MCM3AP: variants seen among roughly 807,000 people sequenced by gnomAD.
The protein encoded by MCM3AP is germinal-center associated nuclear protein.
Under a neutral mutation model 184.1 loss-of-function variants are expected in MCM3AP, and 126 were observed. The observed-to-expected ratio is 0.68, with a 90% CI of 0.59 to 0.79. The LOEUF is 0.79. Among genes scored for constraint, MCM3AP ranks in the 30% least tolerant of loss-of-function variants. The pLI is 0.00. For synonymous variants in MCM3AP, 1,002 were observed against 979.3 expected, an observed-to-expected ratio of 1.02 and a Z score of -0.43; for missense variants, 2,496 against 2,479.2, an observed-to-expected ratio of 1.01 and a Z score of -0.14.
Position 46,235,263 on chromosome 21 carries a change from G to T in MCM3AP, c.*5C>A. 6.2e-7 allele frequency: 1 copy of T among 1,614,050 alleles called. No homozygotes were observed. The highest frequency in any genetic ancestry group is 8.5e-7 in the Non-Finnish European group (1 of 1,179,940). On this transcript the variant is annotated 3_prime_UTR_variant, in exon 28 of 28. Coordinates refer to ENST00000291688, the MANE Select transcript of MCM3AP (RefSeq NM_003906.5). ...GAGAGACCCCCTCCCCACAGGTCAG[G>T]CTGCTCAAATGTCCACCATGTCTAG...
rs371198038 is a variant in MCM3AP at position 46,284,906 on chromosome 21, A to C, written c.381T>G (p.Phe127Leu). The change falls in exon 1 of 28, where the codon TTT (phenylalanine) becomes TTG (leucine). Residue 127 changes from phenylalanine to leucine, a missense_variant. By Grantham distance (22) the Phe-to-Leu change is conservative. Coordinates refer to ENST00000291688, the MANE Select transcript of MCM3AP (RefSeq NM_003906.5). ...TCACTATTTCTCCAGCTTCTTGTCC[A>C]AAAGCAGAAGTGCTTGGGAAAGCCC... ...SVGAFPSTSA[F>L]GQEAGEIVNS... 2 of 1,614,108 alleles carry C rather than the reference A, an allele frequency of 1.2e-6. No homozygotes were observed. The highest frequency in any genetic ancestry group is 1.7e-6 in the Non-Finnish European group (2 of 1,180,040).
Position 46,238,474 on chromosome 21 carries a change from A to G in MCM3AP, c.5634-1495T>C, listed in dbSNP as rs1411231969. 3.3e-5 allele frequency among the ~76,000 whole-genome samples: 4 copies of G among 120,022 alleles called. 1 individual carries two copies. The highest frequency in any genetic ancestry group is 1.4e-4 in the African/African-American group (4 of 29,572). 78.7% of individuals were successfully genotyped at this position (120,022 alleles called of 152,430 possible). A position where few individuals can be genotyped will look rare whatever the true frequency, so the allele number is the denominator to read the frequency against. The stretch of plus-strand genomic sequence containing the variant: ...TGTAATCCCAGCACTTTGGGAGGCC[A>G]AGGCAGGTGGATCACCTGAGGTCAG... On this transcript the variant is annotated intron_variant, in intron 26 of 27. Transcript: ENST00000291688.
intron 6 of MCM3AP, among the ~76,000 whole-genome samples, chr21:46,274,892 T>C (rs145666115): frequency 3.5e-4 from 52 of 147,338 alleles, no homozygotes; most frequent in African/African-American, 1.3e-3. Context: ...TGAGCCATGA[T>C]TGGACCACTG....
At chr21:46,258,741 G>GTGTGTGTGTGTGTGTGTGTT (rs1397525654) in intron 16 of MCM3AP, among the ~76,000 whole-genome samples, 198 bp downstream of exon 16, 3 of 151,380 alleles carry the variant, frequency 2.0e-5, no homozygotes, top group African/African-American at 7.3e-5. Flanking sequence ...TATTGTATGT[G>GTGTGTGTGTGTGTGTGTGTT]TGTGTGTGTG....
intron 26 of MCM3AP, 108 bp downstream of exon 26, chr21:46,240,703 C>G (rs769049496): frequency 1.0e-6 from 1 of 962,772 alleles, no homozygotes. Flanking sequence ...AATAATCCAC[C>G]TGCCCTTCTC....
At chr21:46,274,674 G>A (rs982655815) in intron 6 of MCM3AP, among the ~76,000 whole-genome samples, 7 of 152,082 alleles carry the variant, frequency 4.6e-5, no homozygotes, top group South Asian at 4.1e-4. Context: ...GGTGGCTCAC[G>A]CCTGTAATCC....
Position 46,264,140 on chromosome 21 carries a change from A to G in MCM3AP, c.3312T>C (p.Ala1104=), listed in dbSNP as rs368141856. ...ACCCCAGGGCGGCAGCTGCGTAGGCAGCACCCGCAGAGCCAACTTCCTCAC... is the reference window on the plus strand; with the variant it reads ...ACCCCAGGGCGGCAGCTGCGTAGGCGGCACCCGCAGAGCCAACTTCCTCAC... ...RDCEEVGSAG[A]AYAAAALGVS... is the part of the protein sequence containing the mutation. Residue 1104 remains alanine (A), a synonymous_variant, in exon 13 of 28, where the codon GCT becomes GCC. Coordinates refer to ENST00000291688, the MANE Select transcript of MCM3AP (RefSeq NM_003906.5). 6.2e-7 allele frequency: 1 copy of G among 1,613,714 alleles called. No homozygotes were observed. Among genetic ancestry groups the G allele is most frequent in the African/African-American group, 1.3e-5 (1 of 74,926 alleles).
chr21:46,245,054 C>T lies in MCM3AP; in HGVS notation c.4791G>A (p.Leu1597=). Residue 1597 remains leucine (L), a synonymous_variant, in exon 23 of 28, where the codon CTG becomes CTA. Transcript: ENST00000291688. The part of the protein sequence containing the change: ...RFFHDRRERR[L]GGLASQEPGA... ...CAGGCTCCTGAGAAGCAAGACCGCC[C>T]AGACGCCTCTCTCTTCTGTCATGGA... The T allele has an allele frequency of 6.2e-7, 1 of 1,614,254 alleles. No homozygotes were observed. The highest frequency in any genetic ancestry group is 8.5e-7 in the Non-Finnish European group (1 of 1,180,042).
At chr21:46,266,540 C>A in intron 10 of MCM3AP, 1 of 230,382 alleles carries the variant, frequency 4.3e-6, no homozygotes. Context: ...AACTAGGCAC[C>A]GGGTGTTGAG....
intron 19 of MCM3AP, chr21:46,254,102 AC>A: frequency 2.4e-6 from 1 of 409,414 alleles, no homozygotes; most frequent in Non-Finnish European, 4.5e-6. Context: ...TGCTTCCTGT[AC>A]AGCCGAGCCA....
chr21:46,267,033 C>A lies in MCM3AP; in HGVS notation c.2738G>T (p.Cys913Phe). Residue 913 changes from cysteine (C) to phenylalanine (F), a missense_variant, in exon 10 of 28, where the codon TGT (cysteine) becomes TTT (phenylalanine). Cys to Phe is a radical substitution (Grantham distance 205). Around this residue, in one of 5 missense-constraint regions of MCM3AP, gnomAD observed 138 missense variants for 191.9 expected, o/e 0.72. Transcript: ENST00000291688. ...GVVRMLLFRDCEEATDFLTCH... is the reference protein window; with the variant it reads ...GVVRMLLFRDFEEATDFLTCH... ...GGTGAGGAAGTCGGTGGCCTCTTCA[C>A]AGTCTCTGAACAGCAGCATGCGCAC... 6.2e-7 allele frequency: 1 copy of A among 1,614,210 alleles called. No individual in the cohort carries two copies. Among genetic ancestry groups the A allele is most frequent in the Non-Finnish European group, 8.5e-7 (1 of 1,180,040 alleles).
intron 14 of MCM3AP, 55 bp downstream of exon 14, chr21:46,261,225 T>C: frequency 1.2e-6 from 2 of 1,606,182 alleles, no homozygotes; most frequent in Non-Finnish European, 1.7e-6. Context: ...GGGTCAGTTC[T>C]TGCCTGTGTC....
intron 2 of MCM3AP, among the ~76,000 whole-genome samples, chr21:46,282,156 A>C (rs1314827836): frequency 1.3e-5 from 2 of 152,118 alleles, no homozygotes; most frequent in African/African-American, 2.4e-5. Flanking sequence ...AAAAATACAA[A>C]CTTTTTTTAA....
intron 6 of MCM3AP, 38 bp downstream of exon 6, chr21:46,275,148 C>G: frequency 6.3e-7 from 1 of 1,589,396 alleles, no homozygotes; most frequent in Non-Finnish European, 8.5e-7. Flanking sequence ...GCAGCCCCGT[C>G]CCCTGCCCAC....
chr21:46,247,378 A>G (rs1030861341), intron 20 of MCM3AP: 3 of 152,084 alleles, frequency 2.0e-5, no homozygotes, highest in African/African-American at 7.2e-5. Context: ...TTCATATTTT[A>G]TTTTATTTTT....
In MCM3AP at chr21:46,251,700, AC is replaced by A. The variant is rs1180054477; in HGVS notation, c.4137-19del. The A allele has an allele frequency of 4.7e-6, 7 of 1,478,370 alleles. No homozygotes were observed. The highest frequency in any genetic ancestry group is 6.5e-6 in the Non-Finnish European group (7 of 1,080,430). 91.6% of individuals were successfully genotyped at this position (1,478,370 alleles called of 1,614,324 possible). The stretch of plus-strand genomic sequence containing the variant: ...CTAGAATTCTACAGATTTAAAAAAA[AC>A]AAAAAACAAAAAAAACACTTGAAGA... On this transcript the variant is annotated intron_variant, in intron 19 of 27. Coordinates refer to ENST00000291688, the MANE Select transcript of MCM3AP (RefSeq NM_003906.5).
intron 15 of MCM3AP, among the ~76,000 whole-genome samples, chr21:46,259,952 T>C (rs936315594): frequency 1.3e-5 from 2 of 149,576 alleles, no homozygotes; most frequent in African/African-American, 2.5e-5. Context: ...GGTGCATGCC[T>C]GTAATTCCAG....
At chr21:46,236,012 T>G (rs1201426051) in intron 27 of MCM3AP, among the ~76,000 whole-genome samples, 2 of 152,242 alleles carry the variant, frequency 1.3e-5, no homozygotes, top group Non-Finnish European at 2.9e-5. Flanking sequence ...TTAATCAGAC[T>G]CCCATCTTCG....
intron 20 of MCM3AP, chr21:46,249,585 G>C (rs2080836908): frequency 4.4e-6 from 2 of 452,498 alleles, no homozygotes; most frequent in Admixed American, 2.4e-5. Flanking sequence ...CTTTCCCCCA[G>C]CTTAAGGTAT....
Sources: gnomAD v4.1 joint callset for allele counts (sites outside exome capture counted in the v4.1 genomes callset) on GRCh38, gnomAD v4.1.1 for gene constraint, gnomAD v4.1.1 regional missense constraint, MANE v1.5 for transcripts, NCBI Gene and HGNC (gene_info 2026-07-23, HGNC 2026-07-21) for gene names.